Variants in SRRM3 observed in about 807,000 individuals in gnomAD.
The protein encoded by SRRM3 is serine/arginine repetitive matrix 3.
Under a neutral mutation model 66.2 loss-of-function variants are expected in SRRM3, and 27 were observed. The observed-to-expected ratio is 0.41, with a 90% CI of 0.30 to 0.56. SRRM3 has a LOEUF of 0.56. SRRM3 is among the 20% of genes least tolerant of loss of function. The pLI, the probability that SRRM3 is intolerant of heterozygous loss-of-function variation, is 0.32. For missense variants in SRRM3, 918 were observed against 991.9 expected (o/e 0.93, Z 1.00); for synonymous variants, 391 against 414.9 (o/e 0.94, Z 0.70).
intron 11 of SRRM3, among the ~76,000 whole-genome samples, chr7:76,275,829 C>T (rs1195677505): frequency 6.6e-6 from 1 of 152,062 alleles, no homozygotes; most frequent in Non-Finnish European, 1.5e-5. Context: ...AATCCCAATG[C>T]TTTAGGAGGC....
chr7:76,212,543 A>G (rs1334295990), intron 1 of SRRM3, among the ~76,000 whole-genome samples: 2 of 136,828 alleles, frequency 1.5e-5, no homozygotes, highest in African/African-American at 5.6e-5. Flanking sequence ...ATCTCTGCTC[A>G]CTGCAACCTC....
intron 11 of SRRM3, among the ~76,000 whole-genome samples, chr7:76,276,186 C>T (rs1293191376): frequency 1.3e-5 from 2 of 152,068 alleles, no homozygotes; most frequent in South Asian, 4.2e-4. Context: ...CAGAGGCAGG[C>T]GAGGTCCCTG....
intron 5 of SRRM3, 118 bp from the exon 6 acceptor site, chr7:76,260,756 C>T (rs2117058664): frequency 2.0e-6 from 2 of 983,132 alleles, no homozygotes; most frequent in East Asian, 2.6e-5. Flanking sequence ...GCCTCATCTG[C>T]CATCCCCGAA....
chr7:76,265,479 G>T lies in SRRM3; in HGVS notation c.830+11G>T. On this transcript the variant is annotated intron_variant, in intron 10 of 14. Transcript: ENST00000611745. Reference sequence around the variant, plus strand: ...CAGATCTCCCAGCAGGTAGGCCTGGGCCTCTGGGAGGCTTTCTCCTGGTGG... The same window carrying T: ...CAGATCTCCCAGCAGGTAGGCCTGGTCCTCTGGGAGGCTTTCTCCTGGTGG... 6.3e-7 allele frequency: 1 copy of T among 1,592,886 alleles called. No homozygotes were observed. Among genetic ancestry groups the T allele is most frequent in the Non-Finnish European group, 8.6e-7 (1 of 1,168,782 alleles).
chr7:76,249,707 C>A (rs1801526081), intron 3 of SRRM3, among the ~76,000 whole-genome samples: 1 of 152,256 alleles, frequency 6.6e-6, no homozygotes, highest in African/African-American at 2.4e-5. Flanking sequence ...CCCTTGTTCA[C>A]CCTCAGTTTC....
At chr7:76,207,570 A>T (rs1171750307) in intron 1 of SRRM3, among the ~76,000 whole-genome samples, 3 of 152,096 alleles carry the variant, frequency 2.0e-5, no homozygotes, top group Non-Finnish European at 4.4e-5. Flanking sequence ...TGATGTCTTT[A>T]AAGACTCTTT....
intron 1 of SRRM3, among the ~76,000 whole-genome samples, chr7:76,215,823 A>G (rs1211930499): frequency 1.6e-5 from 2 of 122,872 alleles, no homozygotes; most frequent in African/African-American, 3.3e-5. Context: ...TTTGAGACAG[A>G]GTCTCACTCT....
chr7:76,212,975 T>G (rs543577430), intron 1 of SRRM3, among the ~76,000 whole-genome samples: 58 of 150,990 alleles, frequency 3.8e-4, no homozygotes, highest in African/African-American at 9.2e-4. Flanking sequence ...CGGTGCTGCT[T>G]CTTCCCTGGC....
intron 3 of SRRM3, among the ~76,000 whole-genome samples, chr7:76,253,437 C>T (rs1042880010): frequency 9.5e-4 from 143 of 150,828 alleles, no homozygotes; most frequent in African/African-American, 3.3e-3. Context: ...CTGGCTAACA[C>T]GGTGAAACCC....
chr7:76,281,569 G>T lies in SRRM3; in HGVS notation c.1137G>T (p.Ala379=). 1 of 994,012 alleles carries T rather than the reference G, an allele frequency of 1.0e-6. No individual in the cohort carries two copies. Among genetic ancestry groups the T allele is most frequent in the South Asian group, 4.5e-5 (1 of 22,194 alleles). 61.6% of individuals were successfully genotyped at this position (994,012 alleles called of 1,614,324 possible). Residue 379 remains alanine, a synonymous_variant, in exon 12 of 15, where the codon GCG becomes GCT. Transcript: ENST00000611745. Reference sequence around the variant, plus strand: ...CGTCCCAAGGTCGCGGAGGCCGCGCGGCGGGCGGGGCGGGCAGGCGGCGGC... The same window carrying T: ...CGTCCCAAGGTCGCGGAGGCCGCGCTGCGGGCGGGGCGGGCAGGCGGCGGC... ...APSSQGRGGR[A]AGGAGRRRRR...
At chr7:76,279,047 G>A (rs1554611503) in intron 11 of SRRM3, among the ~76,000 whole-genome samples, 1 of 152,158 alleles carries the variant, frequency 6.6e-6, no homozygotes, top group Admixed American at 6.5e-5. Context: ...GAGGTCAGGA[G>A]TTCGAGACCA....
chr7:76,217,370 C>T (rs1204345468), intron 1 of SRRM3, among the ~76,000 whole-genome samples: 2 of 152,152 alleles, frequency 1.3e-5, no homozygotes, highest in Non-Finnish European at 2.9e-5. Context: ...CTGCAACCTC[C>T]TTCCCCCAAG....
chr7:76,228,614 C>T (rs1264927872), intron 1 of SRRM3, among the ~76,000 whole-genome samples: 1 of 152,054 alleles, frequency 6.6e-6, no homozygotes, highest in Non-Finnish European at 1.5e-5. Flanking sequence ...ATCCCAGCTA[C>T]TCAGGAGGCT....
rs530907708 is a variant in SRRM3 at position 76,227,291 on chromosome 7, G to A, written c.-39-7737G>A. Among the ~76,000 whole-genome samples the A allele has an allele frequency of 4.6e-5, 7 of 152,318 alleles. No individual in the cohort carries two copies. The South Asian group carries it at 1.2e-3, about 27-fold the overall frequency. ...CAAAGACCAGAACAAGTTAGAGTTAGGGTTCAGATTATAGCTCTAGACTCC... is the reference window on the plus strand; with the variant it reads ...CAAAGACCAGAACAAGTTAGAGTTAAGGTTCAGATTATAGCTCTAGACTCC... On this transcript the variant is annotated intron_variant, in intron 1 of 14. Transcript: ENST00000611745.
intron 14 of SRRM3, among the ~76,000 whole-genome samples, chr7:76,284,751 C>T (rs1204629204): frequency 1.3e-5 from 2 of 152,214 alleles, no homozygotes; most frequent in Non-Finnish European, 2.9e-5. Flanking sequence ...ATTAACCCTG[C>T]GACGGGGCAG....
intron 3 of SRRM3, among the ~76,000 whole-genome samples, chr7:76,252,749 G>C (rs540772659): frequency 1.3e-5 from 2 of 152,290 alleles, no homozygotes; most frequent in African/African-American, 4.8e-5. Flanking sequence ...GACATCATAG[G>C]GAATGTTCCT....
At chr7:76,241,229 G>T (rs191365967) in intron 2 of SRRM3, among the ~76,000 whole-genome samples, 2 of 152,144 alleles carry the variant, frequency 1.3e-5, no homozygotes, top group African/African-American at 4.8e-5. Context: ...TGAAGCTTTG[G>T]CCATGCTAGC....
chr7:76,270,930 G>T (rs1802194779), intron 11 of SRRM3, among the ~76,000 whole-genome samples: 1 of 148,028 alleles, frequency 6.8e-6, no homozygotes, highest in Non-Finnish European at 1.5e-5. Flanking sequence ...AGCTGAGATT[G>T]TGCCATTGCA....
At chr7:76,273,826 C>T (rs2117092892) in intron 11 of SRRM3, among the ~76,000 whole-genome samples, 1 of 152,262 alleles carries the variant, frequency 6.6e-6, no homozygotes, top group South Asian at 2.1e-4. Context: ...TCTTGACTTT[C>T]CCCGACCAAC....
Sources: gnomAD v4.1 joint callset for allele counts (sites outside exome capture counted in the v4.1 genomes callset) on GRCh38, gnomAD v4.1.1 for gene constraint, MANE v1.5 for transcripts, NCBI Gene and HGNC (gene_info 2026-07-23, HGNC 2026-07-21) for gene names.